ALPP: variants seen among roughly 807,000 people sequenced by gnomAD.
The protein encoded by ALPP is alkaline phosphatase, placental type.
ALPP carries 39 observed loss-of-function variants against 50.7 expected under a neutral mutation model. That is an observed-to-expected ratio of 0.77 (90% CI 0.60 to 1.00). The LOEUF (loss-of-function observed/expected upper bound fraction) is 1.00. ALPP is among the 50% of genes least tolerant of loss of function. The pLI is 0.00. For missense variants in ALPP, 550 were observed against 746.8 expected, an observed-to-expected ratio of 0.74 and a Z score of 3.07; for synonymous variants, 226 against 320.3, an observed-to-expected ratio of 0.71 and a Z score of 3.14.
At chr2:232,379,719 A>G (rs141534794) in intron 4 of ALPP, 32 bp downstream of exon 4, 9 of 1,614,012 alleles carry the variant, frequency 5.6e-6, no homozygotes, top group Non-Finnish European at 7.6e-6. Flanking sequence ...GGTCACGGCC[A>G]GGTCACAGAC....
rs777513361 is a variant in ALPP, at chr2:232,380,419, G to A, written c.793-1G>A. 11 of 1,613,840 alleles carry A rather than the reference G, an allele frequency of 6.8e-6. No homozygotes were observed. The highest frequency in any genetic ancestry group is 8.5e-6 in the Non-Finnish European group (10 of 1,179,948). The stretch of plus-strand genomic sequence containing the variant: ...AGGCCTGGCTCTCTCCCTCCCCACA[G>A]GGTGCCCGGTATGTGTGGAACCGCA... On this transcript the variant is annotated splice_acceptor_variant, in intron 6 of 10. Coordinates refer to ENST00000392027, the MANE Select transcript of ALPP (RefSeq NM_001632.5). LOFTEE classifies it high-confidence loss of function.
In ALPP at chr2:232,379,048, C is replaced by G; in HGVS notation, c.154C>G (p.Gln52Glu). The change falls in exon 2 of 11, where the codon CAG (glutamine) becomes GAG (glutamate). Residue 52 changes from glutamine to glutamate, a missense_variant. Gln to Glu is a conservative substitution (Grantham distance 29, BLOSUM62 2). Coordinates refer to ENST00000392027, the MANE Select transcript of ALPP (RefSeq NM_001632.5). Reference sequence around the variant, plus strand: ...TGCCGCCAAGAAGCTGCAGCCTGCACAGACAGCCGCCAAGAACCTCATCAT... The same window carrying G: ...TGCCGCCAAGAAGCTGCAGCCTGCAGAGACAGCCGCCAAGAACCTCATCAT... ...LGAAKKLQPA[Q>E]TAAKNLIIFL... 1 of 1,614,126 alleles carries G rather than the reference C, an allele frequency of 6.2e-7. No homozygotes were observed. The highest frequency in any genetic ancestry group is 8.5e-7 in the Non-Finnish European group (1 of 1,180,030).
rs201578205 is a variant in ALPP at position 232,380,336 on chromosome 2, G to C, written c.792+16G>C. 1.2e-6 allele frequency: 2 copies of C among 1,613,480 alleles called. No individual in the cohort carries two copies. The highest frequency in any genetic ancestry group is 2.2e-5 in the East Asian group (1 of 44,462). ...GAAGCGCCAGGTGATGGGGGCTGGC[G>C]GGTGCAGGGGGCACAGCAGGGGGAG... On this transcript the variant is annotated intron_variant, in intron 6 of 10. Coordinates refer to ENST00000392027, the MANE Select transcript of ALPP (RefSeq NM_001632.5).
Position 232,382,190 on chromosome 2 carries a change from T to C in ALPP, c.*395T>C, listed in dbSNP as rs3189154. 1.5e-5 allele frequency: 4 copies of C among 259,286 alleles called. No homozygotes were observed. The highest frequency in any genetic ancestry group is 9.1e-5 in the African/African-American group (4 of 43,852). 16.1% of individuals were successfully genotyped at this position (259,286 alleles called of 1,614,324 possible). On this transcript the variant is annotated 3_prime_UTR_variant, in exon 11 of 11. Coordinates refer to ENST00000392027, the MANE Select transcript of ALPP (RefSeq NM_001632.5). ...CAGTCCTTGAATCACCTGTGGGACT[T>C]GAGGACTCGGGATCTTCAGGACGCC...
At chr2:232,380,579 C>T (rs755225004) in intron 7 of ALPP, 44 bp from the exon 8 acceptor site, 3 of 1,613,916 alleles carry the variant, frequency 1.9e-6, no homozygotes, top group African/African-American at 1.3e-5. Flanking sequence ...CAGCACCCGC[C>T]CACCCCCAGC....
chr2:232,378,959 C>T lies in ALPP; in HGVS notation c.77-12C>T. On this transcript the variant is annotated splice_polypyrimidine_tract_variant and intron_variant, in intron 1 of 10. Coordinates refer to ENST00000392027, the MANE Select transcript of ALPP (RefSeq NM_001632.5). The stretch of plus-strand genomic sequence containing the variant: ...CCCAGGCTGACCTGATTTTTGCTCT[C>T]CCCCTGGCCAGTTGAGGAGGAGAAC... 2 of 1,614,064 alleles carry T rather than the reference C, an allele frequency of 1.2e-6. No homozygotes were observed. Among genetic ancestry groups the T allele is most frequent in the Non-Finnish European group, 8.5e-7 (1 of 1,179,990 alleles).
rs1575044728 is a variant in ALPP, at chr2:232,379,450, G to T, written c.310-63G>T. On this transcript the variant is annotated intron_variant, in intron 3 of 10. Transcript: ENST00000392027. ...GAGGCAGTTGGAATCCCAGAGGACA[G>T]AGATCAGGGTCTGGGTCTCCGTGTC... The T allele has an allele frequency of 1.1e-5, 18 of 1,604,780 alleles. No homozygotes were observed. In the East Asian group the frequency reaches 4.0e-4, roughly 36 times the overall value.
chr2:232,381,802 C>G lies in ALPP; in HGVS notation c.*7C>G, dbSNP rs1229688445. 2 of 1,563,388 alleles carry G rather than the reference C, an allele frequency of 1.3e-6. No homozygotes were observed. Among genetic ancestry groups the G allele is most frequent in the Admixed American group, 1.8e-5 (1 of 54,766 alleles). Reference sequence around the variant, plus strand: ...GACGGCCACTGCTCCCTGAGTGTCCCGTCCCTGGGGCTCCTGCTTCCCCAT... The same window carrying G: ...GACGGCCACTGCTCCCTGAGTGTCCGGTCCCTGGGGCTCCTGCTTCCCCAT... On this transcript the variant is annotated 3_prime_UTR_variant, in exon 11 of 11. Transcript: ENST00000392027.
At chr2:232,380,102 G>T in intron 5 of ALPP, 84 bp from the exon 6 acceptor site, 3 of 1,604,622 alleles carry the variant, frequency 1.9e-6, no homozygotes. Context: ...CAGCCTTGGG[G>T]AGGGGAGTCA....
At position 232,378,972 on chromosome 2, in the gene ALPP, T is replaced by C; in HGVS notation, c.78T>C (p.Val26=). The stretch of plus-strand genomic sequence containing the variant: ...GATTTTTGCTCTCCCCCTGGCCAGT[T>C]GAGGAGGAGAACCCGGACTTCTGGA... ...RLQLSLGIIP[V]EEENPDFWNR... The change falls in exon 2 of 11, where the codon GTT becomes GTC. Residue 26 remains valine (V), a splice_region_variant and synonymous_variant. Coordinates refer to ENST00000392027, the MANE Select transcript of ALPP (RefSeq NM_001632.5). 1.9e-6 allele frequency: 3 copies of C among 1,613,820 alleles called. No individual in the cohort carries two copies. The highest frequency in any genetic ancestry group is 2.5e-6 in the Non-Finnish European group (3 of 1,179,944).
chr2:232,381,763 C>G lies in ALPP; in HGVS notation c.1576C>G (p.Leu526Val), dbSNP rs1048998. The G allele has an allele frequency of 1.5e-5, 23 of 1,585,728 alleles. No homozygotes were observed. The highest frequency in any genetic ancestry group is 2.7e-5 in the African/African-American group (2 of 74,404). ...PALLPLLAGT[L>V]LLLETATAP The stretch of plus-strand genomic sequence containing the variant: ...GTTGCTTCCTCTGCTGGCCGGGACC[C>G]TGCTGCTGCTGGAGACGGCCACTGC... Residue 526 changes from leucine to valine, a missense_variant, in exon 11 of 11, where the codon CTG becomes GTG. This residue lies in a region of ALPP where 155 missense variants were observed against 167.6 expected (regional missense o/e 0.92). Coordinates refer to ENST00000392027, the MANE Select transcript of ALPP (RefSeq NM_001632.5).
rs376033390 is a variant in ALPP at position 232,379,699 on chromosome 2, C to A, written c.484+12C>A. On this transcript the variant is annotated intron_variant, in intron 4 of 10. Transcript: ENST00000392027. ...GGCCAAGAAAGCAGGTGAGCTGGGG[C>A]CCGCTGCTGGGTCACGGCCAGGTCA... 1 of 1,613,958 alleles carries A rather than the reference C, an allele frequency of 6.2e-7. No individual in the cohort carries two copies. Among genetic ancestry groups the A allele is most frequent in the Admixed American group, 1.7e-5 (1 of 59,994 alleles).
chr2:232,378,774 C>T lies in ALPP; in HGVS notation c.-29C>T, dbSNP rs1285025119. 9 of 1,608,928 alleles carry T rather than the reference C, an allele frequency of 5.6e-6. No individual in the cohort carries two copies. Among genetic ancestry groups the T allele is most frequent in the Non-Finnish European group, 7.6e-6 (9 of 1,177,192 alleles). The stretch of plus-strand genomic sequence containing the variant: ...TCATACTCCATGCCCAGAATTCCTG[C>T]CTCGCCACTGTCCTGCTGCCCTCCA... On this transcript the variant is annotated 5_prime_UTR_variant, in exon 1 of 11. Coordinates refer to ENST00000392027, the MANE Select transcript of ALPP (RefSeq NM_001632.5).
In ALPP at chr2:232,381,562, G is replaced by C. The variant is rs756308092; in HGVS notation, c.1375G>C (p.Val459Leu). ...LDEETHAGEDVAVFARGPQAH... is the reference protein window; with the variant it reads ...LDEETHAGEDLAVFARGPQAH... ...CGAAGAGACCCACGCAGGCGAGGAC[G>C]TGGCGGTGTTCGCGCGCGGCCCGCA... The change falls in exon 11 of 11, where the codon GTG (valine) becomes CTG (leucine). Residue 459 changes from valine to leucine, a missense_variant. Coordinates refer to ENST00000392027, the MANE Select transcript of ALPP (RefSeq NM_001632.5). 1.9e-6 allele frequency: 3 copies of C among 1,612,982 alleles called. No individual in the cohort carries two copies. The highest frequency in any genetic ancestry group is 2.2e-5 in the East Asian group (1 of 44,862).
In ALPP at chr2:232,379,231, G is replaced by T. The variant is rs1429811167; in HGVS notation, c.225G>T (p.Arg75Ser). 3 of 1,613,932 alleles carry T rather than the reference G, an allele frequency of 1.9e-6. No homozygotes were observed. The Admixed American group carries it at 5.0e-5, about 27-fold the overall frequency. ...GGGTGTCTACGGTGACAGCTGCCAGGATCCTAAAAGGGCAGAAGAAGGACA... is the reference window on the plus strand; with the variant it reads ...GGGTGTCTACGGTGACAGCTGCCAGTATCCTAAAAGGGCAGAAGAAGGACA... ...GMGVSTVTAA[R>S]ILKGQKKDKL... Residue 75 changes from arginine (R) to serine (S), a missense_variant, in exon 3 of 11, where the codon AGG becomes AGT. Arg to Ser is a moderately radical substitution (Grantham distance 110). Transcript: ENST00000392027.
rs1424088674 is a variant in ALPP at position 232,381,504 on chromosome 2, C to T, written c.1317C>T (p.Pro439=). 5 of 1,613,038 alleles carry T rather than the reference C, an allele frequency of 3.1e-6. No individual in the cohort carries two copies. The highest frequency in any genetic ancestry group is 2.2e-5 in the East Asian group (1 of 44,882). The change falls in exon 11 of 11, where the codon CCC becomes CCT. Residue 439 remains proline, a synonymous_variant. Transcript: ENST00000392027. ...PDVTESESGS[P]EYRQQSAVPL... is the part of the protein sequence containing the mutation. ...ACTGAACCCTCCAACCAGGGAGCCC[C>T]GAGTATCGGCAGCAGTCAGCAGTGC...
Position 232,378,813 on chromosome 2 carries a change from C to T in ALPP, c.11C>T (p.Pro4Leu), listed in dbSNP as rs559668617. 1 of 1,614,064 alleles carries T rather than the reference C, an allele frequency of 6.2e-7. No homozygotes were observed. Residue 4 changes from proline to leucine, a missense_variant, in exon 1 of 11, where the codon CCC becomes CTC. Pro to Leu is a moderately conservative substitution (Grantham distance 98). This residue lies in a region of ALPP where 376 missense variants were observed against 388.5 expected (regional missense o/e 0.97). Transcript: ENST00000392027. Reference protein sequence around the residue: MLGPCMLLLLLLLG... With the variant: MLGLCMLLLLLLLG... ...TGCTGCCCTCCAGACATGCTGGGGC[C>T]CTGCATGCTGCTGCTGCTGCTGCTG... is the stretch of plus-strand genomic sequence containing the variant.
At position 232,379,000 on chromosome 2, in the gene ALPP, C is replaced by T; in HGVS notation, c.106C>T (p.Arg36Cys). The T allele has an allele frequency of 3.7e-6, 6 of 1,614,104 alleles. No homozygotes were observed. Among genetic ancestry groups the T allele is most frequent in the Non-Finnish European group, 5.1e-6 (6 of 1,180,024 alleles). ...GGAGGAGAACCCGGACTTCTGGAAC[C>T]GCGAGGCAGCCGAGGCCCTGGGTGC... ...VEEENPDFWN[R>C]EAAEALGAAK... The change falls in exon 2 of 11, where the codon CGC (arginine) becomes TGC (cysteine). Residue 36 changes from arginine to cysteine, a missense_variant. Arg to Cys is a radical substitution (Grantham distance 180, BLOSUM62 -3). Transcript: ENST00000392027.
At position 232,379,579 on chromosome 2, in the gene ALPP, A is replaced by C. The variant is rs376639163; in HGVS notation, c.376A>C (p.Lys126Gln). The change falls in exon 4 of 11, where the codon AAG (lysine) becomes CAG (glutamine). Residue 126 changes from lysine to glutamine, a missense_variant. Physicochemically the swap from Lys to Gln is moderately conservative, Grantham distance 53 (BLOSUM62 1). This residue lies in a region of ALPP where 376 missense variants were observed against 388.5 expected (regional missense o/e 0.97). Transcript: ENST00000392027. ...ATATAYLCGVKGNFQTIGLSA... is the reference protein window; with the variant it reads ...ATATAYLCGVQGNFQTIGLSA... ...AGCCACGGCCTACCTGTGCGGGGTC[A>C]AGGGCAACTTCCAGACCATTGGCTT... 4.7e-5 allele frequency: 76 copies of C among 1,614,010 alleles called. No individual in the cohort carries two copies. The highest frequency in any genetic ancestry group is 6.0e-5 in the Non-Finnish European group (71 of 1,180,036).
Sources: gnomAD v4.1 joint callset for allele counts on GRCh38, gnomAD v4.1.1 for gene constraint, gnomAD v4.1.1 regional missense constraint, MANE v1.5 for transcripts, NCBI Gene and HGNC (gene_info 2026-07-23, HGNC 2026-07-21) for gene names.